The following OR51G2 variants were observed in gnomAD, a reference collection of about 807,000 sequenced individuals.
OR51G2 encodes the protein olfactory receptor family 51 subfamily G member 2.
OR51G2 carries 13 observed loss-of-function variants against 11.8 expected under a neutral mutation model. The observed-to-expected ratio is 1.10, with a 90% CI of 0.72 to 1.76. The LOEUF (loss-of-function observed/expected upper bound fraction) is 1.76. Among genes scored for constraint, OR51G2 ranks in the 40% most tolerant of loss-of-function variants. The pLI is 0.00. For synonymous variants in OR51G2, 178 were observed against 151.9 expected, an observed-to-expected ratio of 1.17 and a Z score of -1.26; for missense variants, 474 against 394.4, an observed-to-expected ratio of 1.20 and a Z score of -1.71.
intron 1 of OR51G2, among the ~76,000 whole-genome samples, chr11:4,918,231 C>A (rs1348596839): frequency 1.3e-5 from 2 of 152,110 alleles, no homozygotes; most frequent in African/African-American, 4.8e-5. Flanking sequence ...AGCTTCAAGG[C>A]ACATACTGAG....
rs1851009651 is a variant in OR51G2, at chr11:4,912,696, C to T, written c.*2023G>A. The T allele has an allele frequency of 1.3e-5, 2 of 152,140 alleles. No homozygotes were observed. The highest frequency in any genetic ancestry group is 1.5e-5 in the Non-Finnish European group (1 of 68,038). 9.4% of individuals were successfully genotyped at this position (152,140 alleles called of 1,614,324 possible). ...GCCTTAAAAAATGTGATTATGGGAT[C>T]TGAGTTACGTAACAGGCAGCTATAA... On this transcript the variant is annotated 3_prime_UTR_variant, in exon 2 of 2. Coordinates refer to ENST00000641926, the MANE Select transcript of OR51G2 (RefSeq NM_001005238.2).
At chr11:4,919,066 GA>G (rs745446085) in intron 1 of OR51G2, 110 bp downstream of exon 1, 1 of 152,218 alleles carries the variant, frequency 6.6e-6, no homozygotes, top group Non-Finnish European at 1.5e-5. Context: ...CTCTGGGCAA[GA>G]AAACAAGGAA....
chr11:4,918,481 G>C lies in OR51G2; in HGVS notation c.-77+696C>G, dbSNP rs138536394. On this transcript the variant is annotated intron_variant, in intron 1 of 1. Transcript: ENST00000641926. ...GAGGATAGGTTAGAGGAGGGGACTT[G>C]GAAATAAAATAAAATTCAGAATAAT... Among the ~76,000 whole-genome samples the C allele has an allele frequency of 1.1e-4, 16 of 152,152 alleles. No individual in the cohort carries two copies. The East Asian group carries it at 2.9e-3, about 28-fold the overall frequency.
At chr11:4,917,734 A>G (rs1373780977) in intron 1 of OR51G2, among the ~76,000 whole-genome samples, 1 of 152,148 alleles carries the variant, frequency 6.6e-6, no homozygotes, top group Non-Finnish European at 1.5e-5. Context: ...GGTTAACAAT[A>G]TACTTTTTAT....
Position 4,915,516 on chromosome 11 carries a change from T to C in OR51G2, c.148A>G (p.Ile50Val), listed in dbSNP as rs539326953. Residue 50 changes from isoleucine to valine, a missense_variant, in exon 2 of 2, where the codon ATT (isoleucine) becomes GTT (valine). Transcript: ENST00000641926. ...CGCTCTGTTTTAATGATAAAAAGAA[T>C]TGTGCAGTTGCCCGGGATGGAAACC... The part of the protein sequence containing the change: ...YLVSIPGNCT[I>V]LFIIKTERSL... The C allele has an allele frequency of 8.7e-6, 14 of 1,614,056 alleles. No homozygotes were observed. The African/African-American group carries it at 1.6e-4, about 18-fold the overall frequency.
At position 4,915,740 on chromosome 11, in the gene OR51G2, C is replaced by T; in HGVS notation, c.-76-1G>A. On this transcript the variant is annotated splice_acceptor_variant, in intron 1 of 1. Coordinates refer to ENST00000641926, the MANE Select transcript of OR51G2 (RefSeq NM_001005238.2). LOFTEE classifies it low-confidence loss of function (5UTR_SPLICE). ...ATTGAGGCAGTACTGGTGATTGCAC[C>T]TGGTGGAAATTAAAGAAAAAAAATA... 1 of 938,896 alleles carries T rather than the reference C, an allele frequency of 1.1e-6. No individual in the cohort carries two copies. The highest frequency in any genetic ancestry group is 1.6e-6 in the Non-Finnish European group (1 of 618,652). 58.2% of individuals were successfully genotyped at this position (938,896 alleles called of 1,614,324 possible). A position where few individuals can be genotyped will look rare whatever the true frequency, so the allele number is the denominator to read the frequency against.
Position 4,914,812 on chromosome 11 carries a change from C to T in OR51G2, c.852G>A (p.Met284Ile). 6.2e-7 allele frequency: 1 copy of T among 1,613,974 alleles called. No homozygotes were observed. The highest frequency in any genetic ancestry group is 8.5e-7 in the Non-Finnish European group (1 of 1,179,960). ...TCATCACAGGAGGAAAGAGAAGATA[C>T]ATGAAACCCATGACCACCTGGACCA... ...PHLVQVVMGF[M>I]YLLFPPVMNP... Residue 284 changes from methionine (M) to isoleucine (I), a missense_variant, in exon 2 of 2, where the codon ATG becomes ATA. Transcript: ENST00000641926.
rs201238790 is a variant in OR51G2, at chr11:4,914,862, G to T, written c.802C>A (p.Arg268Ser). 18 of 1,613,980 alleles carry T rather than the reference G, an allele frequency of 1.1e-5. No homozygotes were observed. The highest frequency in any genetic ancestry group is 4.5e-5 in the East Asian group (2 of 44,854). The change falls in exon 2 of 2, where the codon CGC (arginine) becomes AGC (serine). Residue 268 changes from arginine (R) to serine (S), a missense_variant. By Grantham distance (110) the Arg-to-Ser change is moderately radical (BLOSUM62 -1). Coordinates refer to ENST00000641926, the MANE Select transcript of OR51G2 (RefSeq NM_001005238.2). ...TPMIGLSVIHRFGKQAPHLVQ... is the reference protein window; with the variant it reads ...TPMIGLSVIHSFGKQAPHLVQ... ...AGGTGGGGTGCCTGCTTTCCAAAGC[G>T]ATGGATGACAGAGAGGCCAATCATG...
At chr11:4,917,614 T>C (rs1186598022) in intron 1 of OR51G2, among the ~76,000 whole-genome samples, 2 of 152,220 alleles carry the variant, frequency 1.3e-5, no homozygotes, top group East Asian at 3.9e-4. Context: ...CACACCGTGC[T>C]CCTCAGCTTC....
chr11:4,917,112 A>G (rs1851106457), intron 1 of OR51G2, among the ~76,000 whole-genome samples: 1 of 151,826 alleles, frequency 6.6e-6, no homozygotes, highest in Non-Finnish European at 1.5e-5. Context: ...TTAATCCAGT[A>G]TTTAGAACAT....
At position 4,914,532 on chromosome 11, in the gene OR51G2, A is replaced by G. The variant is rs1204691361; in HGVS notation, c.*187T>C. On this transcript the variant is annotated 3_prime_UTR_variant, in exon 2 of 2. Coordinates refer to ENST00000641926, the MANE Select transcript of OR51G2 (RefSeq NM_001005238.2). ...TTTAGAAAATAAAATTTACCACATC[A>G]TATTACATTTTACCCCCCCCTGCCC... 3 of 539,566 alleles carry G rather than the reference A, an allele frequency of 5.6e-6. No individual in the cohort carries two copies. The highest frequency in any genetic ancestry group is 9.8e-6 in the Non-Finnish European group (3 of 304,992). 33.4% of individuals were successfully genotyped at this position (539,566 alleles called of 1,614,324 possible).
chr11:4,918,526 T>C (rs1296025815), intron 1 of OR51G2, among the ~76,000 whole-genome samples: 1 of 152,146 alleles, frequency 6.6e-6, no homozygotes, highest in Admixed American at 6.5e-5. Context: ...AGATATCTGC[T>C]TGGAAAAGAT....
In OR51G2 at chr11:4,913,236, AG is replaced by A. The variant is rs1363786052; in HGVS notation, c.*1482del. 6.6e-6 allele frequency: 1 copy of A among 152,144 alleles called. No homozygotes were observed. Among genetic ancestry groups the A allele is most frequent in the Non-Finnish European group, 1.5e-5 (1 of 68,046 alleles). The allele number at this position is 152,144 out of a possible 1,614,324, so 9.4% of individuals were successfully genotyped here. ...AAACAGTGTTCTCATGCCAAACAGG[AG>A]GGGACACTGGTGTTGGGAGCAGGGA... On this transcript the variant is annotated 3_prime_UTR_variant, in exon 2 of 2. Transcript: ENST00000641926.
Position 4,915,202 on chromosome 11 carries a change from C to A in OR51G2, c.462G>T (p.Leu154=). The change falls in exon 2 of 2, where the codon CTG becomes CTT. Residue 154 remains leucine, a synonymous_variant. Coordinates refer to ENST00000641926, the MANE Select transcript of OR51G2 (RefSeq NM_001005238.2). Reference sequence around the variant, plus strand: ...GAAAAATGAGTGCTACACTACGACCCAGAGAGACCAGGCCAATCCTGCCAA... The same window carrying A: ...GAAAAATGAGTGCTACACTACGACCAAGAGAGACCAGGCCAATCCTGCCAA... ...TVIGRIGLVS[L]GRSVALIFPL... 1 of 1,613,940 alleles carries A rather than the reference C, an allele frequency of 6.2e-7. No individual in the cohort carries two copies. Among genetic ancestry groups the A allele is most frequent in the East Asian group, 2.2e-5 (1 of 44,818 alleles).
intron 1 of OR51G2, among the ~76,000 whole-genome samples, chr11:4,917,458 T>C (rs1168101106): frequency 6.6e-6 from 1 of 152,206 alleles, no homozygotes; most frequent in Non-Finnish European, 1.5e-5. Flanking sequence ...TTTAAAAGCA[T>C]TGCTGATTCT....
At position 4,915,258 on chromosome 11, in the gene OR51G2, G is replaced by T. The variant is rs752488831; in HGVS notation, c.406C>A (p.His136Asn). ...DRFVAICHPL[H>N]YVSILTNTVI... Reference sequence around the variant, plus strand: ...GTGTTGGTGAGAATGGAAACATAGTGCAAGGGGTGGCAGATAGCCACAAAG... The same window carrying T: ...GTGTTGGTGAGAATGGAAACATAGTTCAAGGGGTGGCAGATAGCCACAAAG... The change falls in exon 2 of 2, where the codon CAC (histidine) becomes AAC (asparagine). Residue 136 changes from histidine (H) to asparagine (N), a missense_variant. Transcript: ENST00000641926. The T allele has an allele frequency of 2.5e-5, 41 of 1,613,868 alleles. No individual in the cohort carries two copies. The highest frequency in any genetic ancestry group is 3.4e-5 in the Non-Finnish European group (40 of 1,180,026).
At chr11:4,916,754 C>T (rs1386172669) in intron 1 of OR51G2, among the ~76,000 whole-genome samples, 1 of 152,142 alleles carries the variant, frequency 6.6e-6, no homozygotes, top group African/African-American at 2.4e-5. Context: ...AGTAAGACAT[C>T]AAAGCCCTGA....
intron 1 of OR51G2, among the ~76,000 whole-genome samples, chr11:4,916,632 T>C (rs1851097292): frequency 6.6e-6 from 1 of 152,192 alleles, no homozygotes; most frequent in Non-Finnish European, 1.5e-5. Flanking sequence ...CTTCCTGACA[T>C]AGAAGCTTAG....
Position 4,914,902 on chromosome 11 carries a change from C to T in OR51G2, c.762G>A (p.Leu254=), listed in dbSNP as rs746746384. ...NTCVSHICAV[L]LFYTPMIGLS... Reference sequence around the variant, plus strand: ...GGCCAATCATGGGAGTGTAGAAGAGCAGCACAGCACAGATGTGGGAAACAC... The same window carrying T: ...GGCCAATCATGGGAGTGTAGAAGAGTAGCACAGCACAGATGTGGGAAACAC... Residue 254 remains leucine (L), a synonymous_variant, in exon 2 of 2, where the codon CTG becomes CTA. Transcript: ENST00000641926. The T allele has an allele frequency of 1.2e-6, 2 of 1,613,918 alleles. No homozygotes were observed. The highest frequency in any genetic ancestry group is 1.7e-6 in the Non-Finnish European group (2 of 1,179,968).
Sources: allele counts gnomAD v4.1 joint callset (sites outside exome capture counted in the v4.1 genomes callset), GRCh38; gene constraint gnomAD v4.1.1; transcripts MANE v1.5; gene names NCBI Gene and HGNC (gene_info 2026-07-23, HGNC 2026-07-21).